MYPN: variants seen among roughly 807,000 people sequenced by gnomAD.
MYPN encodes myopalladin, also known as sarcomeric protein myopalladin, 145 kDa (MYOP).
In MYPN, 63 loss-of-function variants were observed where a neutral mutation model predicts 129.4. That is an observed-to-expected ratio of 0.49 (90% CI 0.40 to 0.60). The LOEUF (loss-of-function observed/expected upper bound fraction) is 0.60. Ranked by LOEUF, MYPN falls within the 20% of genes least tolerant of loss-of-function variation. MYPN has a pLI of 0.00. For missense variants in MYPN, 1,596 were observed against 1,635.4 expected (o/e 0.98, Z 0.42); for synonymous variants, 629 against 600.9 (o/e 1.05, Z -0.68).
At position 68,210,230 on chromosome 10, in the gene MYPN, G is replaced by A. The variant is rs147880642; in HGVS notation, c.3794-56G>A. On this transcript the variant is annotated intron_variant, in intron 19 of 19. Coordinates refer to ENST00000358913, the MANE Select transcript of MYPN (RefSeq NM_032578.4). ...TGAGGACAGAATGCACCTCTGCAGCGTACATGCTGGACTGCATTCCTTTGA... is the reference window on the plus strand; with the variant it reads ...TGAGGACAGAATGCACCTCTGCAGCATACATGCTGGACTGCATTCCTTTGA... 3,966 of 1,591,644 alleles carry A rather than the reference G, an allele frequency of 2.5e-3. 24 individuals carry two copies. The highest frequency in any genetic ancestry group is 0.017 in the African/African-American group (1,256 of 74,560).
intron 18 of MYPN, among the ~76,000 whole-genome samples, chr10:68,203,708 CACAT>C (rs1156272274): frequency 4.8e-5 from 5 of 103,484 alleles, no homozygotes; most frequent in East Asian, 2.1e-4. Flanking sequence ...CACACACACA[CACAT>C]ACACACACAG....
intron 12 of MYPN, 82 bp from the exon 13 acceptor site, chr10:68,188,820 CTTA>C: frequency 8.9e-7 from 1 of 1,129,832 alleles, no homozygotes; most frequent in Non-Finnish European, 1.3e-6. Context: ...ACGTCTGAAT[CTTA>C]AAAAGTGGCT....
At chr10:68,151,825 C>T (rs2042776629) in intron 6 of MYPN, among the ~76,000 whole-genome samples, 1 of 152,176 alleles carries the variant, frequency 6.6e-6, no homozygotes, top group African/African-American at 2.4e-5. Flanking sequence ...ACTGTGTCTT[C>T]CCTGCATCTA....
chr10:68,102,375 GCCT>G (rs2041986079), upstream of MYPN, among the ~76,000 whole-genome samples: 2 of 151,878 alleles, frequency 1.3e-5, no homozygotes, highest in Non-Finnish European at 2.9e-5. Flanking sequence ...GTCATCCACC[GCCT>G]CAGCTTCCCA....
In MYPN at chr10:68,121,271, T is replaced by G. The variant is rs573804256; in HGVS notation, c.-1-167T>G. ...CCAGCCTGGGTGACAAAGTGAGACC[T>G]TCTCTCAAAAATAAATAAATTAATT... On this transcript the variant is annotated intron_variant, in intron 1 of 19. Transcript: ENST00000358913. Among the ~76,000 whole-genome samples, 4 of 152,286 alleles carry G rather than the reference T, an allele frequency of 2.6e-5. No homozygotes were observed. The South Asian group carries it at 8.3e-4, about 32-fold the overall frequency.
At chr10:68,136,613 A>AT in intron 2 of MYPN, 1 of 1,526,346 alleles carries the variant, frequency 6.6e-7, no homozygotes, top group East Asian at 2.5e-5. Flanking sequence ...TGCTGAGGCC[A>AT]TCCTGGCCAT....
chr10:68,153,491 T>A (rs545402400), intron 6 of MYPN, among the ~76,000 whole-genome samples: 6 of 152,268 alleles, frequency 3.9e-5, no homozygotes, highest in African/African-American at 1.4e-4. Flanking sequence ...AGAAATAGCT[T>A]CATGGTGGGA....
intron 1 of MYPN, among the ~76,000 whole-genome samples, chr10:68,095,501 C>G (rs1380046157): frequency 6.6e-6 from 1 of 152,206 alleles, no homozygotes; most frequent in Non-Finnish European, 1.5e-5. Flanking sequence ...TGCCTCCCAT[C>G]TGAAGTACCA....
At chr10:68,174,702 C>A in intron 11 of MYPN, 46 bp downstream of exon 11, 2 of 1,564,374 alleles carry the variant, frequency 1.3e-6, no homozygotes, top group South Asian at 2.2e-5. Context: ...AGTTAAGAGT[C>A]GATGTGCACA....
At chr10:68,153,317 T>C (rs1427434141) in intron 6 of MYPN, among the ~76,000 whole-genome samples, 1 of 152,194 alleles carries the variant, frequency 6.6e-6, no homozygotes, top group East Asian at 1.9e-4. Context: ...TTTCATGAGC[T>C]GATTAGAGCC....
Position 68,182,414 on chromosome 10 carries a change from T to A in MYPN, c.2704-6491T>A, listed in dbSNP as rs28419207. 6.5e-4 allele frequency among the ~76,000 whole-genome samples: 40 copies of A among 61,096 alleles called. 1 individual carries two copies. The highest frequency in any genetic ancestry group is 1.4e-3 in the African/African-American group (36 of 26,220). 40.1% of individuals were successfully genotyped at this position (61,096 alleles called of 152,430 possible). On this transcript the variant is annotated intron_variant, in intron 12 of 19. Coordinates refer to ENST00000358913, the MANE Select transcript of MYPN (RefSeq NM_032578.4). ...ATAACATATATATAACACATATATA[T>A]AACATATATATAACACATATATATA...
Position 68,148,342 on chromosome 10 carries a change from T to A in MYPN, c.1131-11T>A. ...GTCTATTTTATAATCTATATTTTAA[T>A]AATTTCTCAGAATCCAGAAGCCAAA... On this transcript the variant is annotated splice_polypyrimidine_tract_variant and intron_variant, in intron 4 of 19. Coordinates refer to ENST00000358913, the MANE Select transcript of MYPN (RefSeq NM_032578.4). 2 of 1,591,838 alleles carry A rather than the reference T, an allele frequency of 1.3e-6. No individual in the cohort carries two copies. Among genetic ancestry groups the A allele is most frequent in the Non-Finnish European group, 1.7e-6 (2 of 1,159,964 alleles).
upstream of MYPN, among the ~76,000 whole-genome samples, chr10:68,101,262 A>C (rs1414601394): frequency 6.6e-6 from 1 of 152,242 alleles, no homozygotes; most frequent in Non-Finnish European, 1.5e-5. Context: ...TAATTACATA[A>C]GTGGAAGTGA....
intron 12 of MYPN, among the ~76,000 whole-genome samples, chr10:68,184,023 A>G (rs1410759021): frequency 6.6e-6 from 1 of 152,142 alleles, no homozygotes; most frequent in East Asian, 1.9e-4. Flanking sequence ...ACCCTGTCTC[A>G]AAAAGAAAAA....
chr10:68,204,950 C>A (rs1225224227), intron 18 of MYPN, among the ~76,000 whole-genome samples: 1 of 152,006 alleles, frequency 6.6e-6, no homozygotes, highest in Admixed American at 6.6e-5. Flanking sequence ...CACCACCACG[C>A]CTTTGTGCAG....
chr10:68,143,024 G>A lies in MYPN; in HGVS notation c.987G>A (p.Ala329=), dbSNP rs199931312. The A allele has an allele frequency of 3.2e-5, 51 of 1,614,082 alleles. No homozygotes were observed. The highest frequency in any genetic ancestry group is 1.6e-4 in the Middle Eastern group (1 of 6,062). ...GAAATCTGCACTCACTGACCATTGCGGAAGCCTTTGAAGAGGACACAGGAC... is the reference window on the plus strand; with the variant it reads ...GAAATCTGCACTCACTGACCATTGCAGAAGCCTTTGAAGAGGACACAGGAC... The part of the protein sequence containing the change: ...QAGNLHSLTI[A]EAFEEDTGRY... Residue 329 remains alanine (A), a synonymous_variant, in exon 3 of 20, where the codon GCG becomes GCA. Coordinates refer to ENST00000358913, the MANE Select transcript of MYPN (RefSeq NM_032578.4).
In MYPN at chr10:68,161,642, CTG is replaced by C. The variant is rs932843766; in HGVS notation, c.1460-84_1460-83del. The C allele has an allele frequency of 4.9e-6, 5 of 1,022,346 alleles. No individual in the cohort carries two copies. In the Admixed American group the frequency reaches 5.4e-5, roughly 11 times the overall value. 63.3% of individuals were successfully genotyped at this position (1,022,346 alleles called of 1,614,324 possible). ...GTATCACTCCTGAGTGTGCAAGAGA[CTG>C]TGAAATTCTATAGGAAGCTTCTGAT... is the stretch of plus-strand genomic sequence containing the variant. On this transcript the variant is annotated intron_variant, in intron 7 of 19. Transcript: ENST00000358913.
Position 68,199,867 on chromosome 10 carries a change from A to G in MYPN, c.3493+292A>G, listed in dbSNP as rs10998015. Among the ~76,000 whole-genome samples the G allele has an allele frequency of 0.58, 88,151 of 152,060 alleles. 27,545 individuals are homozygous for G. Among genetic ancestry groups the G allele is most frequent in the Non-Finnish European group, 0.69 (46,960 of 67,992 alleles). On this transcript the variant is annotated intron_variant, in intron 17 of 19. Coordinates refer to ENST00000358913, the MANE Select transcript of MYPN (RefSeq NM_032578.4). The stretch of plus-strand genomic sequence containing the variant: ...TCACTAAATTCCAGTTATTTGCCCT[A>G]CAGTCCATCATTCCTGGAACATACT...
At chr10:68,205,238 C>T (rs2043794213) in intron 18 of MYPN, among the ~76,000 whole-genome samples, 1 of 152,146 alleles carries the variant, frequency 6.6e-6, no homozygotes, top group South Asian at 2.1e-4. Context: ...CCTGTGGCTT[C>T]CCAGAATAAC....
Sources: allele counts gnomAD v4.1 joint callset (sites outside exome capture counted in the v4.1 genomes callset), GRCh38; gene constraint gnomAD v4.1.1; transcripts MANE v1.5; gene names NCBI Gene and HGNC (gene_info 2026-07-23, HGNC 2026-07-21).